HPSE2: variants seen among roughly 807,000 people sequenced by gnomAD.
The protein encoded by HPSE2 is inactive heparanase-2.
HPSE2 carries 38 observed loss-of-function variants against 60.5 expected under a neutral mutation model. The observed-to-expected ratio is 0.63, with a 90% CI of 0.48 to 0.82. The LOEUF (loss-of-function observed/expected upper bound fraction) is 0.82, where lower values mean the gene tolerates loss of function less well. Ranked by LOEUF, HPSE2 falls within the 40% of genes least tolerant of loss-of-function variation. The pLI, the probability that HPSE2 is intolerant of heterozygous loss-of-function variation, is 0.00. For synonymous variants in HPSE2, 295 were observed against 293.2 expected, an observed-to-expected ratio of 1.01 and a Z score of -0.06; for missense variants, 713 against 740.4, an observed-to-expected ratio of 0.96 and a Z score of 0.43.
chr10:98,939,989 A>G (rs993794611), intron 3 of HPSE2, among the ~76,000 whole-genome samples: 7 of 144,060 alleles, frequency 4.9e-5, no homozygotes, highest in Non-Finnish European at 3.0e-5. Context: ...ACTACTGGGT[A>G]CACAACGAAA....
At chr10:98,896,432 AGTTC>A (rs1953494862) in intron 3 of HPSE2, among the ~76,000 whole-genome samples, 1 of 152,198 alleles carries the variant, frequency 6.6e-6, no homozygotes, top group Non-Finnish European at 1.5e-5. Flanking sequence ...AACAGGGAGT[AGTTC>A]TAATCATATG....
intron 9 of HPSE2, among the ~76,000 whole-genome samples, chr10:98,600,893 GTA>G (rs374470816): frequency 0.026 from 983 of 38,186 alleles, 8 homozygotes; most frequent in African/African-American, 0.053. Context: ...ACATATATAC[GTA>G]TATATATGTG....
intron 9 of HPSE2, among the ~76,000 whole-genome samples, chr10:98,598,298 T>C (rs1945303392): frequency 6.6e-6 from 1 of 151,756 alleles, no homozygotes. Context: ...GCTGGAGTCT[T>C]TGGGCAGGCT....
the HPSE2 span, among the ~76,000 whole-genome samples, chr10:99,281,567 G>A: frequency 2.0e-5 from 3 of 151,962 alleles, no homozygotes; most frequent in Non-Finnish European, 4.4e-5. Context: ...AATAGTATTT[G>A]AATTATTATC....
intron 3 of HPSE2, among the ~76,000 whole-genome samples, chr10:99,105,051 TAAAATA>T (rs1479078327): frequency 9.6e-6 from 1 of 104,544 alleles, no homozygotes; most frequent in Non-Finnish European, 2.1e-5. Flanking sequence ...CCCTAGAACT[TAAAATA>T]TAATAAAAAA....
chr10:98,823,942 A>T (rs1951482584), intron 3 of HPSE2, among the ~76,000 whole-genome samples: 1 of 152,214 alleles, frequency 6.6e-6, no homozygotes, highest in South Asian at 2.1e-4. Context: ...ATTTACCATA[A>T]CAGAATATAT....
At chr10:99,280,408 T>C in the HPSE2 span, among the ~76,000 whole-genome samples, 3 of 152,360 alleles carry the variant, frequency 2.0e-5, no homozygotes, top group East Asian at 3.9e-4. Flanking sequence ...TGTATAGTAA[T>C]GCCTCAAATG....
chr10:99,100,276 C>T (rs997549732), intron 3 of HPSE2, among the ~76,000 whole-genome samples: 2 of 152,112 alleles, frequency 1.3e-5, no homozygotes, highest in Admixed American at 6.6e-5. Flanking sequence ...ACTAGAATAA[C>T]CAGCATAGAG....
chr10:99,188,099 G>C (rs1254680206), intron 2 of HPSE2, among the ~76,000 whole-genome samples: 2 of 152,120 alleles, frequency 1.3e-5, no homozygotes, highest in East Asian at 3.9e-4. Flanking sequence ...ACCCACGATG[G>C]GTCCTCCAAT....
At chr10:99,033,864 C>A (rs1957552694) in intron 3 of HPSE2, among the ~76,000 whole-genome samples, 1 of 152,026 alleles carries the variant, frequency 6.6e-6, no homozygotes, top group South Asian at 2.1e-4. Flanking sequence ...AATCCTTATA[C>A]ACTCCTGGTA....
At chr10:98,846,789 T>C (rs1192274780) in intron 3 of HPSE2, among the ~76,000 whole-genome samples, 1 of 152,146 alleles carries the variant, frequency 6.6e-6, no homozygotes, top group Non-Finnish European at 1.5e-5. Context: ...CCAAGTTAGT[T>C]TCAAACTCCT....
intron 9 of HPSE2, among the ~76,000 whole-genome samples, chr10:98,498,062 T>C (rs931578654): frequency 6.6e-6 from 1 of 152,174 alleles, no homozygotes; most frequent in Non-Finnish European, 1.5e-5. Flanking sequence ...TCTTTAAATA[T>C]AGCTTTGAGG....
intron 9 of HPSE2, among the ~76,000 whole-genome samples, chr10:98,551,199 G>C (rs912193783): frequency 2.6e-4 from 40 of 152,236 alleles, no homozygotes; most frequent in African/African-American, 8.9e-4. Flanking sequence ...ATGTGGGATT[G>C]GGTTTGCTAG....
At chr10:98,753,851 C>G (rs759261746) in intron 3 of HPSE2, among the ~76,000 whole-genome samples, 1 of 152,094 alleles carries the variant, frequency 6.6e-6, no homozygotes, top group East Asian at 1.9e-4. Context: ...AGCAAAAAAC[C>G]CTATCCAAAT....
At chr10:98,830,579 C>T (rs1251425422) in intron 3 of HPSE2, among the ~76,000 whole-genome samples, 1 of 152,184 alleles carries the variant, frequency 6.6e-6, no homozygotes, top group Non-Finnish European at 1.5e-5. Context: ...TTGATAGCTA[C>T]TAAGTCTAAT....
intron 11 of HPSE2, among the ~76,000 whole-genome samples, chr10:98,478,469 C>A (rs944629547): frequency 6.6e-6 from 1 of 152,108 alleles, no homozygotes; most frequent in African/African-American, 2.4e-5. Flanking sequence ...TTGTCCAACC[C>A]CCGACTGAGG....
At position 98,835,774 on chromosome 10, in the gene HPSE2, G is replaced by A. The variant is rs182717595; in HGVS notation, c.611-91718C>T. Among the ~76,000 whole-genome samples, 8 of 152,270 alleles carry A rather than the reference G, an allele frequency of 5.3e-5. No homozygotes were observed. The East Asian group carries it at 1.3e-3, about 26-fold the overall frequency. ...TTTAAAAAGATGATACTAGCTATAT[G>A]CCTCTCAAGTTCTTGTGTCTGTAAC... On this transcript the variant is annotated intron_variant, in intron 3 of 11. Transcript: ENST00000370552.
intron 3 of HPSE2, among the ~76,000 whole-genome samples, chr10:98,745,788 C>T (rs7922606): frequency 0.039 from 6,005 of 152,110 alleles, 188 homozygotes; most frequent in East Asian, 0.12. Flanking sequence ...TCCTAGTAGC[C>T]GTTAAAGCTA....
intron 3 of HPSE2, among the ~76,000 whole-genome samples, chr10:99,130,638 G>T (rs921799724): frequency 3.3e-5 from 5 of 152,144 alleles, no homozygotes; most frequent in Non-Finnish European, 5.9e-5. Context: ...GGAAGGGGAG[G>T]GGGGCGTCTA....
Sources: allele counts gnomAD v4.1 joint callset (sites outside exome capture counted in the v4.1 genomes callset), GRCh38; gene constraint gnomAD v4.1.1; transcripts MANE v1.5; gene names NCBI Gene and HGNC (gene_info 2026-07-23, HGNC 2026-07-21).